Variants in RP1 observed in about 807,000 individuals in gnomAD.
The protein encoded by RP1 is RP1 axonemal microtubule associated.
In RP1, 16 loss-of-function variants were observed where a neutral mutation model predicts 14.8. The observed-to-expected ratio is 1.08, with a 90% CI of 0.73 to 1.65. The LOEUF is 1.65. RP1 is among the 40% of genes most tolerant of loss of function. The probability of loss-of-function intolerance (pLI) is 0.00; values close to 1 mark genes in which losing one functional copy is unlikely to be tolerated. For synonymous variants in RP1, 876 were observed against 883.6 expected, an observed-to-expected ratio of 0.99 and a Z score of 0.15; for missense variants, 2,631 against 2,535.0, an observed-to-expected ratio of 1.04 and a Z score of -0.81.
intron 4 of RP1, among the ~76,000 whole-genome samples, chr8:54,651,420 T>C (rs1353037470): frequency 6.6e-6 from 1 of 152,164 alleles, no homozygotes; most frequent in South Asian, 2.1e-4. Flanking sequence ...TGGGAGGTTT[T>C]TGATTACTGA....
At chr8:54,792,017 T>C (rs539319901) in intron 24 of RP1, among the ~76,000 whole-genome samples, 3 of 152,080 alleles carry the variant, frequency 2.0e-5, no homozygotes, top group Non-Finnish European at 4.4e-5. Context: ...TGGAAAACAC[T>C]TTCCATGAAA....
intron 1 of RP1, among the ~76,000 whole-genome samples, chr8:54,567,372 A>C (rs1026628362): frequency 6.6e-6 from 1 of 152,184 alleles, no homozygotes; most frequent in African/African-American, 2.4e-5. Flanking sequence ...ACCTTTCAGG[A>C]AACTACAAAA....
intron 1 of RP1, among the ~76,000 whole-genome samples, chr8:54,618,485 A>G (rs753739569): frequency 1.3e-5 from 2 of 152,214 alleles, no homozygotes; most frequent in Non-Finnish European, 2.9e-5. Flanking sequence ...GCATTTAAAA[A>G]GTGACATTAA....
intron 19 of RP1, among the ~76,000 whole-genome samples, chr8:54,741,830 C>A (rs1318975143): frequency 1.5e-5 from 2 of 136,340 alleles, no homozygotes; most frequent in East Asian, 4.3e-4. Context: ...TTTATTTTTT[C>A]ATTTTTATTT....
At chr8:54,565,537 C>G (rs1469472043) in intron 1 of RP1, among the ~76,000 whole-genome samples, 1 of 152,132 alleles carries the variant, frequency 6.6e-6, no homozygotes, top group African/African-American at 2.4e-5. Flanking sequence ...GCCCAAAGCC[C>G]TTTATACTGG....
At chr8:54,709,973 C>T (rs1257722406) in intron 15 of RP1, among the ~76,000 whole-genome samples, 1 of 152,112 alleles carries the variant, frequency 6.6e-6, no homozygotes, top group African/African-American at 2.4e-5. Context: ...CTTGAAGGTC[C>T]AAGATGTGGA....
At chr8:54,718,252 A>C (rs1357204337) in intron 15 of RP1, among the ~76,000 whole-genome samples, 3 of 152,210 alleles carry the variant, frequency 2.0e-5, no homozygotes, top group Non-Finnish European at 2.9e-5. Context: ...ACAGACCCAG[A>C]ATAGCCAACA....
At chr8:54,699,645 A>C in intron 13 of RP1, 1 of 658,708 alleles carries the variant, frequency 1.5e-6, no homozygotes. Context: ...AGATACATTT[A>C]TAAGATTACC....
At chr8:54,870,126 A>C in exon 29 of RP1, 1 of 378,674 alleles carries the variant, frequency 2.6e-6, no homozygotes, top group East Asian at 3.8e-5. Flanking sequence ...CTCCGCCAAC[A>C]GCTGACCAAG....
At chr8:54,827,083 T>G (rs1481201543) in intron 24 of RP1, among the ~76,000 whole-genome samples, 1 of 152,176 alleles carries the variant, frequency 6.6e-6, no homozygotes, top group Non-Finnish European at 1.5e-5. Flanking sequence ...TAAATGGAGC[T>G]TGCAGGACTG....
intron 24 of RP1, among the ~76,000 whole-genome samples, chr8:54,805,233 G>A (rs1307053159): frequency 3.3e-5 from 5 of 152,050 alleles, no homozygotes; most frequent in Admixed American, 1.3e-4. Flanking sequence ...TCTGAATATC[G>A]TTTCAATAAA....
At chr8:54,789,568 C>T (rs1339185707) in intron 24 of RP1, among the ~76,000 whole-genome samples, 1 of 152,148 alleles carries the variant, frequency 6.6e-6, no homozygotes, top group Non-Finnish European at 1.5e-5. Flanking sequence ...AGCAATCCAG[C>T]CTACCGTGAA....
chr8:54,752,628 G>A (rs929005706), intron 19 of RP1, among the ~76,000 whole-genome samples: 14 of 152,202 alleles, frequency 9.2e-5, no homozygotes, highest in South Asian at 4.1e-4. Flanking sequence ...GGTGCAAGGC[G>A]GGAACTGACC....
rs1399181860 is a variant in RP1, at chr8:54,583,241, G to C, written c.-13+23921G>C. Among the ~76,000 whole-genome samples, 11 of 152,296 alleles carry C rather than the reference G, an allele frequency of 7.2e-5. No homozygotes were observed. In the Middle Eastern group the frequency reaches 0.01, roughly 141 times the overall value. On this transcript the variant is annotated intron_variant, in intron 1 of 22. Coordinates refer to the RP1 transcript ENST00000636932. Reference sequence around the variant, plus strand: ...TTGAATTTTGTTGAAGGCCTTTTCTGCATCTATTGAGATAGTCATGTGGTT... The same window carrying C: ...TTGAATTTTGTTGAAGGCCTTTTCTCCATCTATTGAGATAGTCATGTGGTT...
intron 24 of RP1, among the ~76,000 whole-genome samples, chr8:54,834,305 C>T (rs1055511846): frequency 1.3e-5 from 2 of 151,888 alleles, no homozygotes; most frequent in Non-Finnish European, 2.9e-5. Flanking sequence ...GTCAGGGGTT[C>T]CGGAGTAGGA....
intron 27 of RP1, among the ~76,000 whole-genome samples, chr8:54,857,927 A>G (rs1812244433): frequency 6.6e-6 from 1 of 152,120 alleles, no homozygotes. Context: ...ATGTAACTCT[A>G]TATTATAACT....
At chr8:54,587,385 C>T (rs1458998621) in intron 1 of RP1, among the ~76,000 whole-genome samples, 1 of 148,264 alleles carries the variant, frequency 6.7e-6, no homozygotes, top group Non-Finnish European at 1.5e-5. Context: ...GAGATTGTGT[C>T]ACTGCACTCC....
intron 1 of RP1, chr8:54,560,566 T>C (rs1804263288): frequency 6.6e-6 from 1 of 151,926 alleles, no homozygotes; most frequent in Non-Finnish European, 1.5e-5. Flanking sequence ...GGTTTATAAG[T>C]GAGAAGCAGG....
chr8:54,649,132 A>T, exon 4 of RP1: 1 of 1,499,234 alleles, frequency 6.7e-7, no homozygotes, highest in Non-Finnish European at 8.8e-7. Flanking sequence ...CAGGTTGGCC[A>T]TGAAGACATA....
Sources: gnomAD v4.1 joint callset for allele counts (sites outside exome capture counted in the v4.1 genomes callset) on GRCh38, gnomAD v4.1.1 for gene constraint, MANE v1.5 for transcripts, NCBI Gene and HGNC (gene_info 2026-07-23, HGNC 2026-07-21) for gene names.